TMTC1: variants seen among roughly 807,000 people sequenced by gnomAD.
TMTC1 encodes the protein transmembrane O-mannosyltransferase targeting cadherins 1, also known as protein O-mannosyl-transferase TMTC1.
A neutral mutation model predicts 104.8 loss-of-function variants in TMTC1; 73 were observed. The ratio of observed to expected loss-of-function variants is 0.70; its 90% CI spans 0.58 to 0.85. The LOEUF is 0.85. Ranked by LOEUF, TMTC1 falls within the 40% of genes least tolerant of loss-of-function variation. The pLI is 0.00. For missense variants in TMTC1, 1,035 were observed against 1,096.1 expected, an observed-to-expected ratio of 0.94 and a Z score of 0.79; for synonymous variants, 434 against 428.7, an observed-to-expected ratio of 1.01 and a Z score of -0.15.
rs537133422 is a variant in TMTC1 at position 29,512,814 on chromosome 12, G to A, written c.2431-694C>T. On this transcript the variant is annotated intron_variant, in intron 16 of 17. Coordinates refer to ENST00000539277, the MANE Select transcript of TMTC1 (RefSeq NM_001193451.2). ...ATTATGCATGTTTTGTATCAAAGGT[G>A]TGCTCACCACTGAGTCTCAAGTGGT... Among the ~76,000 whole-genome samples the A allele has an allele frequency of 2.0e-5, 3 of 152,298 alleles. No homozygotes were observed. In the East Asian group the frequency reaches 5.8e-4, roughly 29 times the overall value.
intron 5 of TMTC1, among the ~76,000 whole-genome samples, chr12:29,635,799 C>T (rs1175248410): frequency 6.6e-6 from 1 of 152,162 alleles, no homozygotes; most frequent in East Asian, 1.9e-4. Flanking sequence ...AAAATCCAGA[C>T]TGTGGGAAAC....
chr12:29,745,570 G>A (rs1461352479), intron 5 of TMTC1, among the ~76,000 whole-genome samples: 1 of 127,192 alleles, frequency 7.9e-6, no homozygotes, highest in African/African-American at 3.0e-5. Context: ...GCAGTGAGTC[G>A]AGATAACATC....
intron 5 of TMTC1, among the ~76,000 whole-genome samples, chr12:29,678,319 C>T (rs970178743): frequency 1.3e-5 from 2 of 152,216 alleles, no homozygotes; most frequent in Non-Finnish European, 2.9e-5. Flanking sequence ...GAGCACACAA[C>T]TTCTCTGCTT....
At chr12:29,625,453 C>A (rs1937931963) in intron 6 of TMTC1, among the ~76,000 whole-genome samples, 1 of 152,194 alleles carries the variant, frequency 6.6e-6, no homozygotes, top group African/African-American at 2.4e-5. Flanking sequence ...TGTCTCCAAC[C>A]TCTGAAAGAA....
In TMTC1 at chr12:29,653,118, T is replaced by C. The variant is rs1000842041; in HGVS notation, c.939-19782A>G. Among the ~76,000 whole-genome samples the C allele has an allele frequency of 2.0e-5, 3 of 151,574 alleles. No homozygotes were observed. In the South Asian group the frequency reaches 6.3e-4, roughly 32 times the overall value. On this transcript the variant is annotated intron_variant, in intron 5 of 17. Transcript: ENST00000539277. ...TTTTATTTATATATACTTATATATC[T>C]GGCAATGGCCAGATCCCTTACACTT...
intron 12 of TMTC1, among the ~76,000 whole-genome samples, chr12:29,520,014 T>A (rs1269882594): frequency 6.6e-6 from 1 of 152,236 alleles, no homozygotes; most frequent in East Asian, 1.9e-4. Context: ...TAAATATAAT[T>A]TCATTACTTA....
intron 5 of TMTC1, among the ~76,000 whole-genome samples, chr12:29,688,990 A>G (rs1941181896): frequency 6.6e-6 from 1 of 152,138 alleles, no homozygotes; most frequent in Non-Finnish European, 1.5e-5. Context: ...TAAGGGATAG[A>G]GAAGAACCCT....
intron 5 of TMTC1, among the ~76,000 whole-genome samples, chr12:29,705,376 G>A (rs766863022): frequency 1.3e-5 from 2 of 152,208 alleles, no homozygotes; most frequent in Non-Finnish European, 2.9e-5. Context: ...GCAGATACAG[G>A]AAAAGCTCTG....
intron 5 of TMTC1, among the ~76,000 whole-genome samples, chr12:29,733,092 T>A (rs992024434): frequency 2.0e-5 from 3 of 152,194 alleles, no homozygotes; most frequent in African/African-American, 7.2e-5. Flanking sequence ...GACAAGTTCT[T>A]TTCTCTGAAC....
At chr12:29,613,846 C>A (rs1946909017) in intron 6 of TMTC1, 1 of 598,106 alleles carries the variant, frequency 1.7e-6, no homozygotes, top group African/African-American at 2.0e-5. Context: ...GCAGGATGAT[C>A]ACTTCTTTTC....
chr12:29,751,691 G>A lies in TMTC1; in HGVS notation c.913C>T (p.Pro305Ser), dbSNP rs777300589. 11 of 1,614,092 alleles carry A rather than the reference G, an allele frequency of 6.8e-6. No individual in the cohort carries two copies. In the South Asian group the frequency reaches 1.1e-4, roughly 16 times the overall value. Residue 305 changes from proline to serine, a missense_variant, in exon 5 of 18, where the codon CCA (proline) becomes TCA (serine). By Grantham distance (74) the Pro-to-Ser change is moderately conservative. Transcript: ENST00000539277. ...EPKSSGFPVSPRAVWSMMRFL... is the reference protein window; with the variant it reads ...EPKSSGFPVSSRAVWSMMRFL... ...CTCATCATGGACCACACAGCTCGTG[G>A]GGACACTGGGAATCCACTGCTCTTG...
chr12:29,683,725 T>C (rs1404891753), intron 5 of TMTC1, among the ~76,000 whole-genome samples: 1 of 152,154 alleles, frequency 6.6e-6, no homozygotes, highest in African/African-American at 2.4e-5. Flanking sequence ...GAATGTAGCA[T>C]ACCTGAAAGA....
intron 5 of TMTC1, chr12:29,666,292 A>G (rs1458744083): frequency 7.8e-6 from 3 of 386,312 alleles, no homozygotes; most frequent in Admixed American, 3.5e-5. Context: ...CAGTGGCACA[A>G]TCTCGGCTCA....
In TMTC1 at chr12:29,706,292, C is replaced by T. The variant is rs553224963; in HGVS notation, c.938+45374G>A. ...AGGTTTAGATGGGGAGAGATGTGTG[C>T]GTTTTCCTAAGAGCAAGGATTTGCA... On this transcript the variant is annotated intron_variant, in intron 5 of 17. Transcript: ENST00000539277. 5.3e-5 allele frequency among the ~76,000 whole-genome samples: 8 copies of T among 152,212 alleles called. No individual in the cohort carries two copies. The South Asian group carries it at 1.0e-3, about 20-fold the overall frequency.
intron 11 of TMTC1, among the ~76,000 whole-genome samples, chr12:29,524,789 T>C (rs1431385874): frequency 1.3e-5 from 2 of 152,192 alleles, no homozygotes; most frequent in Non-Finnish European, 2.9e-5. Context: ...CCTGAATCTT[T>C]TCTACCCAGG....
chr12:29,605,702 ATTTG>A (rs1414861863), intron 6 of TMTC1, among the ~76,000 whole-genome samples: 1 of 151,166 alleles, frequency 6.6e-6, no homozygotes. Flanking sequence ...TAGTTTATTT[ATTTG>A]TTTAAATTTA....
chr12:29,636,995 G>A (rs1055837514), intron 5 of TMTC1, among the ~76,000 whole-genome samples: 1 of 151,978 alleles, frequency 6.6e-6, no homozygotes, highest in Admixed American at 6.6e-5. Flanking sequence ...GGGAGGTCAA[G>A]GCTGGAGTGA....
intron 5 of TMTC1, among the ~76,000 whole-genome samples, chr12:29,645,599 A>G (rs899140025): frequency 3.3e-5 from 5 of 152,298 alleles, no homozygotes; most frequent in Admixed American, 3.3e-4. Context: ...ATCTGCAAAA[A>G]AGGAAATACA....
At chr12:29,771,872 A>G (rs1391256149) in intron 1 of TMTC1, among the ~76,000 whole-genome samples, 1 of 152,176 alleles carries the variant, frequency 6.6e-6, no homozygotes, top group African/African-American at 2.4e-5. Context: ...TGACAGAAAT[A>G]ATGCCAAGTT....
Sources: gnomAD v4.1 joint callset for allele counts (sites outside exome capture counted in the v4.1 genomes callset) on GRCh38, gnomAD v4.1.1 for gene constraint, MANE v1.5 for transcripts, NCBI Gene and HGNC (gene_info 2026-07-23, HGNC 2026-07-21) for gene names.